NBPF3: variants seen among roughly 807,000 people sequenced by gnomAD.
The protein encoded by NBPF3 is NBPF member 3, also known as NBPF family member NBPF3.
NBPF3 carries 57 observed loss-of-function variants against 78.1 expected under a neutral mutation model. The ratio of observed to expected loss-of-function variants is 0.73; its 90% CI spans 0.59 to 0.91. The LOEUF (loss-of-function observed/expected upper bound fraction) is 0.91, where lower values mean the gene tolerates loss of function less well. NBPF3 is among the 40% of genes least tolerant of loss of function. The probability of loss-of-function intolerance (pLI) is 0.00; values close to 1 mark genes in which losing one functional copy is unlikely to be tolerated. For missense variants in NBPF3, 510 were observed against 715.3 expected, an observed-to-expected ratio of 0.71 and a Z score of 3.27; for synonymous variants, 182 against 271.7, an observed-to-expected ratio of 0.67 and a Z score of 3.25.
chr1:21,445,891 G>A (rs1479474551), intron 2 of NBPF3: 1 of 152,284 alleles, frequency 6.6e-6, no homozygotes, highest in African/African-American at 2.4e-5. Flanking sequence ...GTGACTATTA[G>A]GTACCAGGCC....
At chr1:21,446,301 A>T (rs1360399069) in intron 2 of NBPF3, 1 of 152,206 alleles carries the variant, frequency 6.6e-6, no homozygotes, top group Admixed American at 6.5e-5. Context: ...TCAGAGGAGG[A>T]GGAAGGGGTT....
intron 3 of NBPF3, among the ~76,000 whole-genome samples, chr1:21,469,886 GCTTGT>G (rs2147984653): frequency 6.6e-6 from 1 of 152,266 alleles, no homozygotes; most frequent in African/African-American, 2.4e-5. Flanking sequence ...CATCCAAGTT[GCTTGT>G]CTTGTCTGTC....
chr1:21,459,293 C>G (rs1641810813), intron 2 of NBPF3, among the ~76,000 whole-genome samples: 1 of 152,182 alleles, frequency 6.6e-6, no homozygotes, highest in Non-Finnish European at 1.5e-5. Context: ...AGGACTTACT[C>G]TGCTAGACTT....
intron 1 of NBPF3, among the ~76,000 whole-genome samples, chr1:21,442,519 G>T (rs2316510): frequency 0.023 from 3,485 of 152,234 alleles, 79 homozygotes; most frequent in East Asian, 0.094. Flanking sequence ...CCCGGCCTGA[G>T]ATTCTTAATT....
At chr1:21,479,582 C>T (rs1307667256) in intron 10 of NBPF3, among the ~76,000 whole-genome samples, 182 bp downstream of exon 10, 2 of 152,076 alleles carry the variant, frequency 1.3e-5, no homozygotes, top group Non-Finnish European at 2.9e-5. Context: ...TCTTCCTATC[C>T]TTCTCATTTA....
intron 2 of NBPF3, among the ~76,000 whole-genome samples, chr1:21,452,485 A>T (rs1246205412): frequency 1.3e-5 from 2 of 152,344 alleles, no homozygotes; most frequent in South Asian, 2.1e-4. Context: ...CTCCTTTTCA[A>T]CCTACAGGGG....
intron 2 of NBPF3, among the ~76,000 whole-genome samples, chr1:21,450,943 A>G (rs1558479167): frequency 6.6e-6 from 1 of 152,230 alleles, no homozygotes; most frequent in Non-Finnish European, 1.5e-5. Context: ...ATGACCCAAA[A>G]TAGTTTGGAA....
At chr1:21,470,880 C>A in intron 4 of NBPF3, 146 bp downstream of exon 4, 1 of 547,256 alleles carries the variant, frequency 1.8e-6, no homozygotes, top group Non-Finnish European at 3.4e-6. Context: ...AAAGATTTAT[C>A]AAGCAGAGAA....
chr1:21,446,348 G>T (rs1569925350), intron 2 of NBPF3: 1 of 152,166 alleles, frequency 6.6e-6, no homozygotes, highest in Non-Finnish European at 1.5e-5. Flanking sequence ...TTACAGTAGC[G>T]CATCTTTCTC....
At chr1:21,437,613 G>A, upstream of NBPF3, 1 of 477,674 alleles carries the variant, frequency 2.1e-6, no homozygotes, top group South Asian at 2.6e-5. Context: ...TTATGCGTGT[G>A]ACTCTGCACT....
At chr1:21,444,605 A>G (rs1446331299) in intron 1 of NBPF3, among the ~76,000 whole-genome samples, 1 of 152,116 alleles carries the variant, frequency 6.6e-6, no homozygotes, top group Non-Finnish European at 1.5e-5. Flanking sequence ...TGGTGCCATC[A>G]TAGCTCACTA....
At chr1:21,468,619 A>G (rs1198030477) in intron 2 of NBPF3, 69 bp from the exon 3 acceptor site, 1 of 1,610,776 alleles carries the variant, frequency 6.2e-7, no homozygotes, top group Admixed American at 1.7e-5. Flanking sequence ...GACATCCCTC[A>G]GTCCTGATTA....
intron 14 of NBPF3, 107 bp from the exon 15 acceptor site, chr1:21,483,036 C>G: frequency 7.9e-7 from 1 of 1,269,294 alleles, no homozygotes; most frequent in Non-Finnish European, 1.1e-6. Flanking sequence ...ATGGAACTAT[C>G]CTTTTCCTTT....
chr1:21,440,112 T>TGCAGGCGCAGGC (rs66732917), upstream of NBPF3: 14 of 151,614 alleles, frequency 9.2e-5, no homozygotes, highest in African/African-American at 3.4e-4. Flanking sequence ...GCCAGTGGGC[T>TGCAGGCGCAGGC]GCAGGCGCAG....
intron 2 of NBPF3, chr1:21,454,203 A>C (rs527259680): frequency 1.3e-5 from 2 of 152,356 alleles, no homozygotes; most frequent in African/African-American, 2.4e-5. Flanking sequence ...AGGATGTTGA[A>C]AGTGTTTTCC....
At chr1:21,470,597 C>T (rs750558809) in intron 3 of NBPF3, 35 bp from the exon 4 acceptor site, 90 of 1,531,472 alleles carry the variant, frequency 5.9e-5, no homozygotes, top group East Asian at 4.7e-4. Flanking sequence ...CATGTCCAGC[C>T]TTTCACTGAG....
At chr1:21,449,942 TGGATTGATTGA>T (rs1641212587) in intron 2 of NBPF3, 1 of 297,222 alleles carries the variant, frequency 3.4e-6, no homozygotes, top group African/African-American at 2.3e-5. Flanking sequence ...GATTGATTGA[TGGATTGATTGA>T]TTTTTTCTCT....
chr1:21,437,491 C>A, upstream of NBPF3: 1 of 1,461,014 alleles, frequency 6.8e-7, no homozygotes, highest in Non-Finnish European at 9.2e-7. Context: ...ACGCCCAGCG[C>A]GAGGTGCAGC....
At chr1:21,468,993 C>A in intron 3 of NBPF3, 96 bp downstream of exon 3, 1 of 963,916 alleles carries the variant, frequency 1.0e-6, no homozygotes, top group Non-Finnish European at 1.6e-6. Context: ...ATAAGTTCAA[C>A]CCTCCCATAC....
Sources: allele counts gnomAD v4.1 joint callset (sites outside exome capture counted in the v4.1 genomes callset), GRCh38; gene constraint gnomAD v4.1.1; transcripts MANE v1.5; gene names NCBI Gene and HGNC (gene_info 2026-07-23, HGNC 2026-07-21).